HCN1: variants seen among roughly 807,000 people sequenced by gnomAD.
The protein encoded by HCN1 is hyperpolarization activated cyclic nucleotide gated potassium channel 1, also known as potassium/sodium hyperpolarization-activated cyclic nucleotide-gated channel 1.
In HCN1, 13 loss-of-function variants were observed where a neutral mutation model predicts 78.9. That is an observed-to-expected ratio of 0.16 (90% CI 0.11 to 0.26). The LOEUF is 0.26. Ranked by LOEUF, HCN1 falls within the 10% of genes least tolerant of loss-of-function variation. The pLI is 1.00. For synonymous variants in HCN1, 552 were observed against 455.5 expected, an observed-to-expected ratio of 1.21 and a Z score of -2.70; for missense variants, 810 against 1,154.3, an observed-to-expected ratio of 0.70 and a Z score of 4.32.
At chr5:45,291,602 T>C (rs1745377675) in intron 6 of HCN1, among the ~76,000 whole-genome samples, 2 of 152,054 alleles carry the variant, frequency 1.3e-5, no homozygotes, top group African/African-American at 4.8e-5. Flanking sequence ...TGGAGTGCAA[T>C]GGTACAATCT....
intron 1 of HCN1, among the ~76,000 whole-genome samples, chr5:45,677,442 A>C (rs1423536702): frequency 1.3e-5 from 2 of 151,812 alleles, no homozygotes; most frequent in African/African-American, 4.8e-5. Context: ...GTGTGCAGAC[A>C]TGTAGGAAAA....
chr5:45,552,502 A>G (rs1331616699), intron 2 of HCN1, among the ~76,000 whole-genome samples: 1 of 151,974 alleles, frequency 6.6e-6, no homozygotes, highest in African/African-American at 2.4e-5. Flanking sequence ...ATTTCCATCT[A>G]TAAGTATCAT....
chr5:45,485,078 G>A (rs1218144691), intron 2 of HCN1, among the ~76,000 whole-genome samples: 1 of 152,192 alleles, frequency 6.6e-6, no homozygotes, highest in Admixed American at 6.5e-5. Flanking sequence ...ATTTCAGTCA[G>A]ATGTGGTAAT....
chr5:45,425,179 A>T (rs1288906567), intron 3 of HCN1, among the ~76,000 whole-genome samples: 1 of 152,234 alleles, frequency 6.6e-6, no homozygotes, highest in Non-Finnish European at 1.5e-5. Context: ...AATCAACAGC[A>T]TAAGTTAACT....
At chr5:45,314,589 C>A (rs956828124) in intron 5 of HCN1, among the ~76,000 whole-genome samples, 2 of 152,080 alleles carry the variant, frequency 1.3e-5, no homozygotes, top group Admixed American at 6.6e-5. Context: ...AAAGTCAAGA[C>A]CCATCAGTGT....
intron 6 of HCN1, among the ~76,000 whole-genome samples, chr5:45,300,433 C>T (rs933682869): frequency 6.6e-6 from 1 of 152,010 alleles, no homozygotes; most frequent in African/African-American, 2.4e-5. Flanking sequence ...AGGATGAAGA[C>T]CTTGATGATG....
intron 2 of HCN1, among the ~76,000 whole-genome samples, chr5:45,613,762 C>A (rs935230769): frequency 2.0e-5 from 3 of 151,964 alleles, no homozygotes; most frequent in Admixed American, 6.6e-5. Context: ...GGAAGGAATT[C>A]TTTAATGTAA....
intron 6 of HCN1, among the ~76,000 whole-genome samples, chr5:45,299,558 T>C (rs902028251): frequency 6.6e-6 from 1 of 151,922 alleles, no homozygotes; most frequent in Non-Finnish European, 1.5e-5. Context: ...TGGCATCAAA[T>C]TTTTTTAAAG....
intron 2 of HCN1, among the ~76,000 whole-genome samples, chr5:45,490,168 C>T (rs148337615): frequency 1.2e-4 from 19 of 152,168 alleles, no homozygotes; most frequent in African/African-American, 4.1e-4. Context: ...GAAAATAGCT[C>T]ATTTGGAAAA....
At chr5:45,612,493 G>T (rs1744858017) in intron 2 of HCN1, among the ~76,000 whole-genome samples, 2 of 152,056 alleles carry the variant, frequency 1.3e-5, no homozygotes, top group Non-Finnish European at 2.9e-5. Flanking sequence ...ATTTTAAAAG[G>T]TAACTACATA....
chr5:45,689,813 C>T (rs1739872543), intron 1 of HCN1, among the ~76,000 whole-genome samples: 1 of 152,036 alleles, frequency 6.6e-6, no homozygotes. Flanking sequence ...ATTAGATTTG[C>T]TTTTTAAAGA....
chr5:45,405,884 C>T (rs1739908545), intron 3 of HCN1, among the ~76,000 whole-genome samples: 1 of 152,090 alleles, frequency 6.6e-6, no homozygotes, highest in Non-Finnish European at 1.5e-5. Context: ...AGTTCATTCT[C>T]AACTTGTTCC....
In HCN1 at chr5:45,388,453, A is replaced by G. The variant is rs567077568; in HGVS notation, c.1230+8039T>C. Among the ~76,000 whole-genome samples, 4 of 152,316 alleles carry G rather than the reference A, an allele frequency of 2.6e-5. No homozygotes were observed. The East Asian group carries it at 7.7e-4, about 29-fold the overall frequency. Reference sequence around the variant, plus strand: ...ACATGTCTCCTGCACAGCTTCAAACATGCAGACAAGAACAATACCCTAGGG... The same window carrying G: ...ACATGTCTCCTGCACAGCTTCAAACGTGCAGACAAGAACAATACCCTAGGG... On this transcript the variant is annotated intron_variant, in intron 4 of 7. Transcript: ENST00000303230.
chr5:45,547,446 G>A (rs763342421), intron 2 of HCN1, among the ~76,000 whole-genome samples: 17 of 151,876 alleles, frequency 1.1e-4, no homozygotes, highest in Admixed American at 2.6e-4. Context: ...TACTACTAGC[G>A]GAGTATGCGT....
chr5:45,644,157 TA>T (rs1745503633), intron 2 of HCN1: 1 of 152,146 alleles, frequency 6.6e-6, no homozygotes. Flanking sequence ...ATGACATATT[TA>T]AAAACATAAT....
chr5:45,540,171 C>A (rs1475623991), intron 2 of HCN1, among the ~76,000 whole-genome samples: 1 of 151,844 alleles, frequency 6.6e-6, no homozygotes, highest in Non-Finnish European at 1.5e-5. Flanking sequence ...CGAGTTTCAA[C>A]TGCTTACTGA....
At chr5:45,416,990 A>G (rs940627955) in intron 3 of HCN1, among the ~76,000 whole-genome samples, 39 of 152,120 alleles carry the variant, frequency 2.6e-4, no homozygotes, top group Admixed American at 1.2e-3. Flanking sequence ...TGTATGGACA[A>G]AATAACAGAG....
intron 5 of HCN1, among the ~76,000 whole-genome samples, chr5:45,324,479 G>A (rs976575081): frequency 6.6e-6 from 1 of 151,828 alleles, no homozygotes; most frequent in Non-Finnish European, 1.5e-5. Flanking sequence ...TTAGAATGAC[G>A]ATCATTAAAA....
At chr5:45,292,473 T>C (rs1426912545) in intron 6 of HCN1, among the ~76,000 whole-genome samples, 1 of 151,960 alleles carries the variant, frequency 6.6e-6, no homozygotes, top group Non-Finnish European at 1.5e-5. Flanking sequence ...CAGATTCTAT[T>C]GTTTTAGATT....
Sources: allele counts gnomAD v4.1 joint callset (sites outside exome capture counted in the v4.1 genomes callset), GRCh38; gene constraint gnomAD v4.1.1; transcripts MANE v1.5; gene names NCBI Gene and HGNC (gene_info 2026-07-23, HGNC 2026-07-21).